Variants in POLN observed in about 807,000 individuals in gnomAD.
The protein encoded by POLN is DNA polymerase nu, also known as DNA polymerase N.
A neutral mutation model predicts 113.5 loss-of-function variants in POLN; 108 were observed. That is an observed-to-expected ratio of 0.95 (90% CI 0.81 to 1.12). The LOEUF (loss-of-function observed/expected upper bound fraction) is 1.12. Among genes scored for constraint, POLN ranks in the 50% most tolerant of loss-of-function variants. The pLI is 0.00. For synonymous variants in POLN, 386 were observed against 391.5 expected, an observed-to-expected ratio of 0.99 and a Z score of 0.17; for missense variants, 1,097 against 1,077.1, an observed-to-expected ratio of 1.02 and a Z score of -0.26.
Position 2,173,972 on chromosome 4 carries a change from T to C in POLN, c.1357A>G (p.Thr453Ala). 1 of 1,614,190 alleles carries C rather than the reference T, an allele frequency of 6.2e-7. No individual in the cohort carries two copies. Among genetic ancestry groups the C allele is most frequent in the Non-Finnish European group, 8.5e-7 (1 of 1,180,006 alleles). Residue 453 changes from threonine (T) to alanine (A), a missense_variant, in exon 11 of 26, where the codon ACG (threonine) becomes GCG (alanine). Transcript: ENST00000511885. ...TAACTTACCCCAAGAAGTGCTGACGTCTTCTCCATCTCCTCTTTGTTCACC... is the reference window on the plus strand; with the variant it reads ...TAACTTACCCCAAGAAGTGCTGACGCCTTCTCCATCTCCTCTTTGTTCACC... Reference protein sequence around the residue: ...IQVNKEEMEKTSALLGARLKE... With the variant: ...IQVNKEEMEKASALLGARLKE...
At chr4:2,233,425 A>C (rs59900510) in intron 2 of POLN, among the ~76,000 whole-genome samples, 1 of 145,954 alleles carries the variant, frequency 6.9e-6, no homozygotes, top group African/African-American at 2.7e-5. Context: ...TATTTTAGTG[A>C]TTCTTGGATG....
At chr4:2,078,705 C>A (rs943550265) in intron 23 of POLN, 4 of 985,370 alleles carry the variant, frequency 4.1e-6, no homozygotes, top group African/African-American at 1.7e-5. Flanking sequence ...AAAACACAGA[C>A]CATGTGCCCA....
intron 25 of POLN, 74 bp downstream of exon 25, chr4:2,072,894 C>T: frequency 6.6e-7 from 1 of 1,525,414 alleles, no homozygotes; most frequent in East Asian, 2.3e-5. Context: ...TGGCCTGGCT[C>T]TTTTGCCCTG....
rs1029078219 is a variant in POLN at position 2,241,629 on chromosome 4, G to A, written c.-122C>T. 3 of 985,332 alleles carry A rather than the reference G, an allele frequency of 3.0e-6. No individual in the cohort carries two copies. Among genetic ancestry groups the A allele is most frequent in the African/African-American group, 1.7e-5 (1 of 57,242 alleles). The allele number at this position is 985,332 out of a possible 1,614,324, so 61.0% of individuals were successfully genotyped here. A position where few individuals can be genotyped will look rare whatever the true frequency, so the allele number is the denominator to read the frequency against. On this transcript the variant is annotated 5_prime_UTR_variant, in exon 2 of 26. Transcript: ENST00000511885. The stretch of plus-strand genomic sequence containing the variant: ...GCCACAATTAAGGGTGCTTCGGGCC[G>A]GCCTTCAGCCAGCGCTGAGGCAGCC...
At position 2,242,067 on chromosome 4, in the gene POLN, T is replaced by G. The variant is rs1209236094; in HGVS notation, c.-300A>C. 3 of 985,624 alleles carry G rather than the reference T, an allele frequency of 3.0e-6. No homozygotes were observed. The highest frequency in any genetic ancestry group is 3.6e-6 in the Non-Finnish European group (3 of 830,164). The allele number at this position is 985,624 out of a possible 1,614,324, so 61.1% of individuals were successfully genotyped here. ...GTCAGTCACCTCAGGAAGTTCCGCT[T>G]GCTTCTCGCAGGAGCCCGCCGCCAC... On this transcript the variant is annotated 5_prime_UTR_variant, in exon 1 of 26. Coordinates refer to ENST00000511885, the MANE Select transcript of POLN (RefSeq NM_181808.4).
At chr4:2,142,251 A>AAC (rs1732021080) in intron 16 of POLN, among the ~76,000 whole-genome samples, 1 of 152,212 alleles carries the variant, frequency 6.6e-6, no homozygotes. Context: ...GCCAGAGCTG[A>AAC]ACACTGATTC....
intron 12 of POLN, 143 bp downstream of exon 12, chr4:2,170,955 T>C (rs1417326913): frequency 1.2e-6 from 1 of 857,446 alleles, no homozygotes; most frequent in Non-Finnish European, 1.8e-6. Context: ...TGAATCTCAA[T>C]GTGTTCATTA....
chr4:2,172,447 A>C (rs141371723), intron 11 of POLN, among the ~76,000 whole-genome samples: 2 of 152,168 alleles, frequency 1.3e-5, no homozygotes, highest in African/African-American at 4.8e-5. Context: ...CTTCCTTTTA[A>C]AAATCTCAAC....
At position 2,169,987 on chromosome 4, in the gene POLN, C is replaced by T. The variant is rs574717678; in HGVS notation, c.1554+692G>A. On this transcript the variant is annotated intron_variant, in intron 13 of 25. Transcript: ENST00000511885. ...TGTACTCTAAGACACCCTCACAGGGCGGAGACTGGAGGAACGTGGTGCTGG... is the reference window on the plus strand; with the variant it reads ...TGTACTCTAAGACACCCTCACAGGGTGGAGACTGGAGGAACGTGGTGCTGG... Among the ~76,000 whole-genome samples the T allele has an allele frequency of 5.9e-5, 9 of 152,306 alleles. No homozygotes were observed. In the East Asian group the frequency reaches 1.4e-3, roughly 23 times the overall value.
At position 2,171,234 on chromosome 4, in the gene POLN, ATTGT is replaced by A. The variant is rs375622904; in HGVS notation, c.1375-57_1375-54del. The A allele has an allele frequency of 3.6e-5, 54 of 1,520,976 alleles. No individual in the cohort carries two copies. The African/African-American group carries it at 4.8e-4, about 14-fold the overall frequency. The allele number at this position is 1,520,976 out of a possible 1,614,324, so 94.2% of individuals were successfully genotyped here. On this transcript the variant is annotated intron_variant, in intron 11 of 25. Coordinates refer to ENST00000511885, the MANE Select transcript of POLN (RefSeq NM_181808.4). The stretch of plus-strand genomic sequence containing the variant: ...TCATTCATAGTTTTCACAATTTAAG[ATTGT>A]TTAATTTGTTCATCAAACAATTCTC...
intron 19 of POLN, among the ~76,000 whole-genome samples, chr4:2,112,460 G>A (rs1731219287): frequency 6.6e-6 from 1 of 151,940 alleles, no homozygotes; most frequent in East Asian, 1.9e-4. Flanking sequence ...CCTACAGAAT[G>A]GGAGAAAATT....
Position 2,197,896 on chromosome 4 carries a change from T to G in POLN, c.908+628A>C, listed in dbSNP as rs759124190. On this transcript the variant is annotated intron_variant, in intron 6 of 25. Transcript: ENST00000511885. ...TGGGAAGGCAGTGGATACCTCCATT[T>G]GAGGCAGAAGCCCAAGTCATGTGGA... is the stretch of plus-strand genomic sequence containing the variant. 1.2e-4 allele frequency among the ~76,000 whole-genome samples: 19 copies of G among 152,194 alleles called. 1 individual carries two copies. Among genetic ancestry groups the G allele is most frequent in the Non-Finnish European group, 2.4e-4 (16 of 68,044 alleles).
In POLN at chr4:2,224,438, C is replaced by T. The variant is rs539514125; in HGVS notation, c.133+4661G>A. ...TAATGATAAAAAGTATATATAGTAT[C>T]GTAAATATATAAACCAGTAACACAG... On this transcript the variant is annotated intron_variant, in intron 3 of 25. Coordinates refer to ENST00000511885, the MANE Select transcript of POLN (RefSeq NM_181808.4). Among the ~76,000 whole-genome samples the T allele has an allele frequency of 1.1e-4, 16 of 152,096 alleles. No homozygotes were observed. In the South Asian group the frequency reaches 1.9e-3, roughly 18 times the overall value.
intron 13 of POLN, among the ~76,000 whole-genome samples, chr4:2,164,719 C>A (rs759355918): frequency 5.3e-5 from 7 of 131,852 alleles, no homozygotes; most frequent in Non-Finnish European, 7.8e-5. Context: ...AGGAGAATTG[C>A]TTGAGCCTGG....
At chr4:2,094,426 C>G (rs912304814) in intron 20 of POLN, among the ~76,000 whole-genome samples, 1 of 151,156 alleles carries the variant, frequency 6.6e-6, no homozygotes, top group African/African-American at 2.4e-5. Context: ...AGTCAAGCCA[C>G]AGATGTGATC....
intron 19 of POLN, among the ~76,000 whole-genome samples, chr4:2,117,850 G>C (rs1370479927): frequency 1.3e-5 from 2 of 152,184 alleles, no homozygotes; most frequent in African/African-American, 4.8e-5. Context: ...TTACATGTAA[G>C]AGAGCAGTGA....
intron 16 of POLN, among the ~76,000 whole-genome samples, chr4:2,137,580 T>C (rs575920593): frequency 6.6e-5 from 10 of 152,260 alleles, no homozygotes; most frequent in African/African-American, 2.4e-4. Flanking sequence ...TGTGAGTGGC[T>C]TGGATGGGCA....
At chr4:2,179,250 G>C (rs751897418) in intron 8 of POLN, 58 bp downstream of exon 8, 1 of 1,466,972 alleles carries the variant, frequency 6.8e-7, no homozygotes, top group South Asian at 1.3e-5. Flanking sequence ...AATAGAAAAA[G>C]CTTCCAGAAA....
intron 19 of POLN, among the ~76,000 whole-genome samples, chr4:2,106,348 C>T (rs1263687103): frequency 1.3e-5 from 2 of 152,144 alleles, no homozygotes; most frequent in African/African-American, 2.4e-5. Context: ...CTTCTGTTAC[C>T]ATAAAATTGC....
Sources: gnomAD v4.1 joint callset for allele counts (sites outside exome capture counted in the v4.1 genomes callset) on GRCh38, gnomAD v4.1.1 for gene constraint, MANE v1.5 for transcripts, NCBI Gene and HGNC (gene_info 2026-07-23, HGNC 2026-07-21) for gene names.